GDF10: variants seen among roughly 807,000 people sequenced by gnomAD.
GDF10 encodes growth/differentiation factor 10.
GDF10 carries 23 observed loss-of-function variants against 32.1 expected under a neutral mutation model. The observed-to-expected ratio is 0.72, with a 90% CI of 0.52 to 1.02. The LOEUF is 1.02. GDF10 is among the 50% of genes least tolerant of loss of function. The pLI, the probability that GDF10 is intolerant of heterozygous loss-of-function variation, is 0.00. For synonymous variants in GDF10, 328 were observed against 303.1 expected (o/e 1.08, Z -0.85); for missense variants, 764 against 673.9 (o/e 1.13, Z -1.48).
At chr10:47,302,462 G>T (rs2061008162) in intron 1 of GDF10, among the ~76,000 whole-genome samples, 1 of 152,160 alleles carries the variant, frequency 6.6e-6, no homozygotes, top group African/African-American at 2.4e-5. Flanking sequence ...AGGAAGCAAG[G>T]CCAGCAGGGT....
chr10:47,309,278 T>A (rs144794121), intron 1 of GDF10, among the ~76,000 whole-genome samples: 1 of 152,350 alleles, frequency 6.6e-6, no homozygotes, highest in East Asian at 1.9e-4. Context: ...TTTGGAAGAA[T>A]GTTTGGGTTT....
chr10:47,300,573 G>T lies in GDF10; in HGVS notation c.-79G>T. ...CTCCCCGCGCGCCCTACTGCCGCGA[G>T]GTCAGTCCGCAGCCTCCGGTGCGCC... On this transcript the variant is annotated 5_prime_UTR_variant, in exon 1 of 3. It adds an upstream start codon to the 5' untranslated region. Transcript: ENST00000580279. 2.2e-6 allele frequency: 3 copies of T among 1,365,662 alleles called. No individual in the cohort carries two copies. Among genetic ancestry groups the T allele is most frequent in the Non-Finnish European group, 2.0e-6 (2 of 1,015,886 alleles). 84.6% of individuals were successfully genotyped at this position (1,365,662 alleles called of 1,614,324 possible).
chr10:47,302,228 A>G (rs1372221331), intron 1 of GDF10, among the ~76,000 whole-genome samples: 2 of 152,212 alleles, frequency 1.3e-5, no homozygotes, highest in Admixed American at 1.3e-4. Context: ...GAGTGTATTC[A>G]TCGATAAAAT....
intron 1 of GDF10, among the ~76,000 whole-genome samples, chr10:47,308,009 A>G (rs886064075): frequency 1.4e-4 from 22 of 152,180 alleles, no homozygotes; most frequent in Non-Finnish European, 2.5e-4. Context: ...GGGGAAAGCA[A>G]GGTTCAGGGC....
chr10:47,305,379 A>C (rs970817126), intron 1 of GDF10, among the ~76,000 whole-genome samples: 9 of 152,232 alleles, frequency 5.9e-5, no homozygotes, highest in Admixed American at 3.9e-4. Flanking sequence ...AAGTGGCTCC[A>C]TGACTTGCCT....
chr10:47,310,251 G>C lies in GDF10; in HGVS notation c.775G>C (p.Val259Leu). 1 of 1,609,404 alleles carries C rather than the reference G, an allele frequency of 6.2e-7. No homozygotes were observed. The highest frequency in any genetic ancestry group is 8.5e-7 in the Non-Finnish European group (1 of 1,178,014). The stretch of plus-strand genomic sequence containing the variant: ...TCTGGCCATCTCGGAGCCCAACAGC[G>C]TGGCAGTGACGCTGCAGAGATACGA... ...NDLAISEPNS[V>L]AVTLQRYDPF... is the part of the protein sequence containing the mutation. The change falls in exon 2 of 3, where the codon GTG becomes CTG. Residue 259 changes from valine to leucine, a missense_variant. Coordinates refer to ENST00000580279, the MANE Select transcript of GDF10 (RefSeq NM_004962.5).
intron 1 of GDF10, among the ~76,000 whole-genome samples, chr10:47,304,562 T>C (rs2061016297): frequency 6.6e-6 from 1 of 152,170 alleles, no homozygotes; most frequent in South Asian, 2.1e-4. Flanking sequence ...CCGGAATTGT[T>C]AGTATGATAT....
At chr10:47,301,128 C>A (rs1369440252) in intron 1 of GDF10, among the ~76,000 whole-genome samples, 158 bp downstream of exon 1, 2 of 152,240 alleles carry the variant, frequency 1.3e-5, no homozygotes. Context: ...CCATGCCAGG[C>A]CCTGAACCTC....
Position 47,310,370 on chromosome 10 carries a change from C to A in GDF10, c.894C>A (p.Leu298=), listed in dbSNP as rs1555207595. Residue 298 remains leucine, a synonymous_variant, in exon 2 of 3, where the codon CTC becomes CTA. Coordinates refer to ENST00000580279, the MANE Select transcript of GDF10 (RefSeq NM_004962.5). ...GAGCCGCGCAGGCCACTGGGCCCCT[C>A]CAGGACAACGAGCTGCCGGGGCTGG... ...VRRAAQATGP[L]QDNELPGLDE... 1.2e-6 allele frequency: 2 copies of A among 1,607,456 alleles called. No individual in the cohort carries two copies. Among genetic ancestry groups the A allele is most frequent in the African/African-American group, 2.7e-5 (2 of 74,990 alleles).
intron 1 of GDF10, among the ~76,000 whole-genome samples, chr10:47,302,399 T>G (rs1169477839): frequency 6.6e-6 from 1 of 152,126 alleles, no homozygotes; most frequent in African/African-American, 2.4e-5. Flanking sequence ...TTCCTGTGGG[T>G]TTAAACTTGA....
At chr10:47,303,603 C>A (rs2061012182) in intron 1 of GDF10, among the ~76,000 whole-genome samples, 2 of 152,152 alleles carry the variant, frequency 1.3e-5, no homozygotes, top group African/African-American at 4.8e-5. Context: ...GATATACCAG[C>A]CACCCCTTCC....
Position 47,309,999 on chromosome 10 carries a change from C to T in GDF10, c.523C>T (p.Arg175Cys). ...GPPTRQHLLF[R>C]SLSQNTATQG... ...GCCCACACGCCAGCACCTGCTCTTC[C>T]GCAGCCTCTCGCAGAACACGGCCAC... The change falls in exon 2 of 3, where the codon CGC becomes TGC. Residue 175 changes from arginine (R) to cysteine (C), a missense_variant. Coordinates refer to ENST00000580279, the MANE Select transcript of GDF10 (RefSeq NM_004962.5). 1.9e-6 allele frequency: 3 copies of T among 1,610,028 alleles called. No homozygotes were observed. Among genetic ancestry groups the T allele is most frequent in the Non-Finnish European group, 1.7e-6 (2 of 1,178,392 alleles).
Position 47,300,414 on chromosome 10 carries a change from C to T in GDF10, c.-238C>T. The T allele has an allele frequency of 2.1e-6, 1 of 473,310 alleles. No individual in the cohort carries two copies. The highest frequency in any genetic ancestry group is 3.7e-6 in the Non-Finnish European group (1 of 271,102). 29.3% of individuals were successfully genotyped at this position (473,310 alleles called of 1,614,324 possible). Reference sequence around the variant, plus strand: ...GACTCGGGCTCGGCTCGGCTCTGCGCTGCTCCGGACGGCTGTGACCGCTGG... The same window carrying T: ...GACTCGGGCTCGGCTCGGCTCTGCGTTGCTCCGGACGGCTGTGACCGCTGG... On this transcript the variant is annotated 5_prime_UTR_variant, in exon 1 of 3. Transcript: ENST00000580279.
intron 1 of GDF10, among the ~76,000 whole-genome samples, chr10:47,302,970 G>A (rs932152640): frequency 1.3e-5 from 2 of 152,232 alleles, no homozygotes; most frequent in African/African-American, 2.4e-5. Context: ...CAGTTTCCTT[G>A]TAGTACAGTG....
rs1555206775 is a variant in GDF10 at position 47,300,841 on chromosome 10, G to A, written c.190G>A (p.Ala64Thr). The A allele has an allele frequency of 6.3e-7, 1 of 1,577,910 alleles. No homozygotes were observed. ...RDLQRHPGDA[A>T]ATLGPSAQDM... ...TCTCCAGCGGCACCCTGGGGACGCG[G>A]CCGCCACGTTGGGCCCCAGCGCCCA... The change falls in exon 1 of 3, where the codon GCC (alanine) becomes ACC (threonine). Residue 64 changes from alanine to threonine, a missense_variant. Transcript: ENST00000580279.
chr10:47,307,456 G>T (rs1411852735), intron 1 of GDF10, among the ~76,000 whole-genome samples: 1 of 152,180 alleles, frequency 6.6e-6, no homozygotes, highest in Non-Finnish European at 1.5e-5. Flanking sequence ...TCAGGTTGAG[G>T]TCCCTTCTCT....
At chr10:47,306,849 G>T (rs778849790) in intron 1 of GDF10, among the ~76,000 whole-genome samples, 11 of 152,130 alleles carry the variant, frequency 7.2e-5, no homozygotes, top group Non-Finnish European at 1.0e-4. Flanking sequence ...GAACGCCAGT[G>T]TGACGGGGGC....
Position 47,312,737 on chromosome 10 carries a change from A to C in GDF10, c.1382A>C (p.Asn461Thr), listed in dbSNP as rs1555207900. 2 of 1,606,596 alleles carry C rather than the reference A, an allele frequency of 1.2e-6. No homozygotes were observed. The highest frequency in any genetic ancestry group is 1.7e-6 in the Non-Finnish European group (2 of 1,176,280). ...LGVLFLDENR[N>T]VVLKVYPNMS... ...GTCCTCTTCCTGGATGAGAATCGGA[A>C]TGTGGTTCTGAAGGTGTACCCCAAC... The change falls in exon 3 of 3, where the codon AAT (asparagine) becomes ACT (threonine). Residue 461 changes from asparagine to threonine, a missense_variant. Transcript: ENST00000580279.
At chr10:47,309,189 G>A (rs1402089420) in intron 1 of GDF10, among the ~76,000 whole-genome samples, 1 of 152,250 alleles carries the variant, frequency 6.6e-6, no homozygotes, top group Non-Finnish European at 1.5e-5. Flanking sequence ...AAGAGCAGAT[G>A]CCTAAATGGC....
Sources: allele counts gnomAD v4.1 joint callset (sites outside exome capture counted in the v4.1 genomes callset), GRCh38; gene constraint gnomAD v4.1.1; transcripts MANE v1.5; gene names NCBI Gene and HGNC (gene_info 2026-07-23, HGNC 2026-07-21).